PCGF5: variants seen among roughly 807,000 people sequenced by gnomAD.
PCGF5 encodes polycomb group RING finger protein 5.
In PCGF5, 9 loss-of-function variants were observed where a neutral mutation model predicts 44.3. The observed-to-expected ratio is 0.20, with a 90% CI of 0.12 to 0.35. The LOEUF is 0.35. Ranked by LOEUF, PCGF5 falls within the 10% of genes least tolerant of loss-of-function variation. The probability of loss-of-function intolerance (pLI) is 1.00; values close to 1 mark genes in which losing one functional copy is unlikely to be tolerated. For synonymous variants in PCGF5, 95 were observed against 102.5 expected (o/e 0.93, Z 0.44); for missense variants, 146 against 305.3 (o/e 0.48, Z 3.89).
intron 6 of PCGF5, among the ~76,000 whole-genome samples, chr10:91,256,859 AG>A (rs150540209): frequency 0.039 from 5,930 of 152,180 alleles, 375 homozygotes; most frequent in African/African-American, 0.13. Context: ...GCCTTCCAAA[AG>A]GAAGGAGAAA....
chr10:91,277,579 T>G (rs371833280), intron 9 of PCGF5, among the ~76,000 whole-genome samples: 22 of 152,240 alleles, frequency 1.4e-4, no homozygotes, highest in African/African-American at 4.8e-4. Flanking sequence ...ATATGATACC[T>G]TTTCTACATA....
intron 6 of PCGF5, among the ~76,000 whole-genome samples, chr10:91,255,215 T>G (rs904430574): frequency 1.3e-5 from 2 of 152,044 alleles, no homozygotes; most frequent in African/African-American, 4.8e-5. Flanking sequence ...TACAGGCAAA[T>G]GTTTCAACTT....
chr10:91,255,487 A>T (rs1248751232), intron 6 of PCGF5, among the ~76,000 whole-genome samples: 1 of 151,994 alleles, frequency 6.6e-6, no homozygotes, highest in African/African-American at 2.4e-5. Context: ...AGTTGTCAAC[A>T]CCTTAGTTGA....
chr10:91,252,561 A>T (rs1845647199), intron 6 of PCGF5, among the ~76,000 whole-genome samples: 2 of 151,990 alleles, frequency 1.3e-5, no homozygotes, highest in African/African-American at 4.8e-5. Flanking sequence ...TGTTAAGGGG[A>T]ATTTATTGGA....
chr10:91,174,270 G>A (rs1411520455), intron 1 of PCGF5, among the ~76,000 whole-genome samples: 2 of 152,096 alleles, frequency 1.3e-5, no homozygotes, highest in Non-Finnish European at 2.9e-5. Context: ...ACTTTGGGAA[G>A]CTAAGGTGGG....
chr10:91,253,608 A>G (rs983012902), intron 6 of PCGF5, among the ~76,000 whole-genome samples: 8 of 152,052 alleles, frequency 5.3e-5, no homozygotes, highest in Admixed American at 1.3e-4. Flanking sequence ...GCTTCGCGTC[A>G]TCTTTGATCT....
chr10:91,276,722 A>G (rs750959009), intron 9 of PCGF5, among the ~76,000 whole-genome samples: 3 of 152,216 alleles, frequency 2.0e-5, no homozygotes, highest in Non-Finnish European at 2.9e-5. Flanking sequence ...GGATACTTCC[A>G]TATATGATTA....
chr10:91,161,145 G>T (rs1843374916), upstream of PCGF5, among the ~76,000 whole-genome samples: 1 of 152,172 alleles, frequency 6.6e-6, no homozygotes, highest in African/African-American at 2.4e-5. Context: ...AGCCCTCCAG[G>T]GTTCCGGCTG....
chr10:91,158,997 G>A (rs1843349324), upstream of PCGF5, among the ~76,000 whole-genome samples: 1 of 152,210 alleles, frequency 6.6e-6, no homozygotes, highest in Non-Finnish European at 1.5e-5. Flanking sequence ...CTGAGGACTG[G>A]TGGGGGGATC....
At chr10:91,239,285 C>G (rs949202757) in intron 2 of PCGF5, among the ~76,000 whole-genome samples, 1 of 152,154 alleles carries the variant, frequency 6.6e-6, no homozygotes, top group African/African-American at 2.4e-5. Context: ...CAGTAAATTC[C>G]TATTGAATCA....
At chr10:91,237,867 G>A (rs1317808554) in intron 2 of PCGF5, among the ~76,000 whole-genome samples, 3 of 152,076 alleles carry the variant, frequency 2.0e-5, no homozygotes, top group Non-Finnish European at 4.4e-5. Flanking sequence ...ATAAGATACT[G>A]CATCTCAGTT....
chr10:91,247,383 CAG>C (rs776106669), intron 3 of PCGF5, among the ~76,000 whole-genome samples: 111 of 152,104 alleles, frequency 7.3e-4, no homozygotes, highest in Admixed American at 1.2e-3. Context: ...AGAAGCAAAA[CAG>C]AGTATGTGAC....
At position 91,222,902 on chromosome 10, in the gene PCGF5, G is replaced by T; in HGVS notation, c.31G>T (p.Asp11Tyr). 1.9e-6 allele frequency: 3 copies of T among 1,613,500 alleles called. No individual in the cohort carries two copies. The highest frequency in any genetic ancestry group is 1.1e-5 in the South Asian group (1 of 91,064). Residue 11 changes from aspartate (D) to tyrosine (Y), a missense_variant, in exon 2 of 10, where the codon GAT becomes TAT. Physicochemically the swap from Asp to Tyr is radical, Grantham distance 160. Around this residue, in one of 3 missense-constraint regions of PCGF5, gnomAD observed 123 missense variants for 268.6 expected, o/e 0.46. Transcript: ENST00000336126. MATQRKHLVKDFNPYITCYIC... is the reference protein window; with the variant it reads MATQRKHLVKYFNPYITCYIC... Reference sequence around the variant, plus strand: ...TACCCAAAGGAAACACTTGGTGAAAGATTTTAATCCTTACATTACCTGCTA... The same window carrying T: ...TACCCAAAGGAAACACTTGGTGAAATATTTTAATCCTTACATTACCTGCTA...
chr10:91,169,494 C>T (rs1843565984), intron 1 of PCGF5, among the ~76,000 whole-genome samples: 1 of 152,118 alleles, frequency 6.6e-6, no homozygotes, highest in African/African-American at 2.4e-5. Context: ...CAGGAATTAA[C>T]AAGTGGAATT....
intron 1 of PCGF5, among the ~76,000 whole-genome samples, chr10:91,203,471 C>T (rs1844289566): frequency 1.3e-5 from 2 of 152,150 alleles, no homozygotes; most frequent in African/African-American, 2.4e-5. Context: ...AGTTTTATTG[C>T]CCTATAGGAT....
intron 8 of PCGF5, among the ~76,000 whole-genome samples, chr10:91,269,738 C>T (rs1846134572): frequency 6.6e-6 from 1 of 152,050 alleles, no homozygotes; most frequent in Non-Finnish European, 1.5e-5. Context: ...TGAGAGTGCC[C>T]ATTTTCTGAC....
At chr10:91,223,892 G>A (rs1343141074) in intron 2 of PCGF5, among the ~76,000 whole-genome samples, 1 of 151,964 alleles carries the variant, frequency 6.6e-6, no homozygotes, top group East Asian at 1.9e-4. Context: ...AATGAGTGGT[G>A]GACCTATATT....
chr10:91,164,810 C>A (rs1398825209), intron 1 of PCGF5, among the ~76,000 whole-genome samples: 1 of 152,196 alleles, frequency 6.6e-6, no homozygotes, highest in African/African-American at 2.4e-5. Context: ...CTGTCCCCTC[C>A]CCCAGGAGCC....
intron 3 of PCGF5, among the ~76,000 whole-genome samples, chr10:91,240,981 A>C (rs1161058056): frequency 6.6e-6 from 1 of 150,598 alleles, no homozygotes; most frequent in Non-Finnish European, 1.5e-5. Context: ...ACATTTATGT[A>C]AAACCTAAAA....
Sources: gnomAD v4.1 joint callset for allele counts (sites outside exome capture counted in the v4.1 genomes callset) on GRCh38, gnomAD v4.1.1 for gene constraint, gnomAD v4.1.1 regional missense constraint, MANE v1.5 for transcripts, NCBI Gene and HGNC (gene_info 2026-07-23, HGNC 2026-07-21) for gene names.